Variants in GABRB2 observed in about 807,000 individuals in gnomAD.
GABRB2 encodes gamma-aminobutyric acid receptor subunit beta-2.
GABRB2 carries 16 observed loss-of-function variants against 54.7 expected under a neutral mutation model. That is an observed-to-expected ratio of 0.29 (90% confidence interval 0.20 to 0.44). The LOEUF is 0.44. GABRB2 is among the 20% of genes least tolerant of loss of function. GABRB2 has a pLI of 1.00. For synonymous variants in GABRB2, 244 were observed against 233.8 expected (o/e 1.04, Z -0.40); for missense variants, 355 against 644.0 (o/e 0.55, Z 4.86).
intron 4 of GABRB2, among the ~76,000 whole-genome samples, chr5:161,414,466 CAT>C (rs1187017976): frequency 6.6e-6 from 1 of 152,048 alleles, no homozygotes; most frequent in Non-Finnish European, 1.5e-5. Context: ...TACATAAAGA[CAT>C]GTGGAATACC....
At chr5:161,428,700 CTAAACCCTG>C (rs1757084007) in intron 4 of GABRB2, among the ~76,000 whole-genome samples, 2 of 152,138 alleles carry the variant, frequency 1.3e-5, no homozygotes, top group South Asian at 4.1e-4. Context: ...ATGGTGCTTG[CTAAACCCTG>C]TAGAAGGCAT....
chr5:161,539,986 G>A lies in GABRB2; in HGVS notation c.237+5241C>T, dbSNP rs1013017374. Among the ~76,000 whole-genome samples, 8 of 152,196 alleles carry A rather than the reference G, an allele frequency of 5.3e-5. No homozygotes were observed. The South Asian group carries it at 1.7e-3, about 32-fold the overall frequency. On this transcript the variant is annotated intron_variant, in intron 3 of 9. Transcript: ENST00000393959. Reference sequence around the variant, plus strand: ...TAGAATGTCTTGGCTCCATGTTAATGGCTGCTGACTGAGCAGGGTTGTGGT... The same window carrying A: ...TAGAATGTCTTGGCTCCATGTTAATAGCTGCTGACTGAGCAGGGTTGTGGT...
At chr5:161,354,812 A>T (rs1201050916) in intron 5 of GABRB2, among the ~76,000 whole-genome samples, 1 of 152,072 alleles carries the variant, frequency 6.6e-6, no homozygotes, top group South Asian at 2.1e-4. Context: ...TAATGCAAAA[A>T]AATTACTTTT....
intron 3 of GABRB2, among the ~76,000 whole-genome samples, chr5:161,465,503 T>C (rs1758253427): frequency 6.6e-6 from 1 of 152,134 alleles, no homozygotes; most frequent in African/African-American, 2.4e-5. Context: ...ATCTTCTATA[T>C]GTCTAAACAC....
chr5:161,439,649 A>T (rs972824339), intron 4 of GABRB2, among the ~76,000 whole-genome samples: 1 of 152,236 alleles, frequency 6.6e-6, no homozygotes, highest in Non-Finnish European at 1.5e-5. Flanking sequence ...CAAAAAGTTT[A>T]AAAGTAGGGG....
chr5:161,309,955 A>G (rs1179833593), intron 9 of GABRB2, among the ~76,000 whole-genome samples: 1 of 152,150 alleles, frequency 6.6e-6, no homozygotes. Context: ...AAAGTGGTAC[A>G]TATATACTCT....
chr5:161,517,802 T>C (rs2113421790), intron 3 of GABRB2, among the ~76,000 whole-genome samples: 1 of 151,372 alleles, frequency 6.6e-6, no homozygotes, highest in Admixed American at 6.6e-5. Context: ...ATTTCTGATT[T>C]TTTTTTTTTT....
intron 5 of GABRB2, among the ~76,000 whole-genome samples, chr5:161,343,753 T>G (rs1754239844): frequency 6.6e-6 from 1 of 152,206 alleles, no homozygotes; most frequent in Non-Finnish European, 1.5e-5. Context: ...CTTTATAAGG[T>G]CCGTCTCTAC....
chr5:161,512,464 G>A (rs1159597075), intron 3 of GABRB2, among the ~76,000 whole-genome samples: 5 of 151,988 alleles, frequency 3.3e-5, no homozygotes, highest in Admixed American at 3.3e-4. Context: ...TAAGCAATGG[G>A]GAAGGGACTC....
At chr5:161,538,912 C>T (rs1760728989) in intron 3 of GABRB2, among the ~76,000 whole-genome samples, 1 of 152,072 alleles carries the variant, frequency 6.6e-6, no homozygotes, top group African/African-American at 2.4e-5. Flanking sequence ...TCCATAAGGC[C>T]TAACACATGC....
At chr5:161,520,388 G>A (rs1382586083) in intron 3 of GABRB2, among the ~76,000 whole-genome samples, 1 of 152,050 alleles carries the variant, frequency 6.6e-6, no homozygotes, top group Non-Finnish European at 1.5e-5. Context: ...ATTTGTATTT[G>A]TATGCTTTAA....
At chr5:161,434,060 GA>G (rs1757247816) in intron 4 of GABRB2, among the ~76,000 whole-genome samples, 1 of 151,954 alleles carries the variant, frequency 6.6e-6, no homozygotes, top group Non-Finnish European at 1.5e-5. Context: ...TATTTTCAAA[GA>G]AAAAGCACCA....
chr5:161,472,246 A>C (rs1581014304), intron 3 of GABRB2, among the ~76,000 whole-genome samples: 1 of 151,756 alleles, frequency 6.6e-6, no homozygotes, highest in African/African-American at 2.4e-5. Flanking sequence ...TCAGTCAATA[A>C]TTTTCTAAGA....
chr5:161,343,721 G>A (rs1237702472), intron 5 of GABRB2, among the ~76,000 whole-genome samples: 1 of 152,066 alleles, frequency 6.6e-6, no homozygotes, highest in African/African-American at 2.4e-5. Flanking sequence ...AGAGCCCTAT[G>A]TACCAGGCAC....
At position 161,293,508 on chromosome 5, in the gene GABRB2, T is replaced by G. The variant is rs1354220137; in HGVS notation, c.*573A>C. On this transcript the variant is annotated 3_prime_UTR_variant, in exon 10 of 10. Transcript: ENST00000393959. ...CAAGCAAAGGGACTGGCCAAATCGG[T>G]TTCCTGAGTCTCTGTCTTGATTCCC... 6.6e-6 allele frequency: 1 copy of G among 152,394 alleles called. No individual in the cohort carries two copies. The highest frequency in any genetic ancestry group is 1.5e-5 in the Non-Finnish European group (1 of 68,186). 9.4% of individuals were successfully genotyped at this position (152,394 alleles called of 1,614,324 possible). A position where few individuals can be genotyped will look rare whatever the true frequency, so the allele number is the denominator to read the frequency against.
chr5:161,320,582 C>G (rs1277264548), intron 9 of GABRB2, among the ~76,000 whole-genome samples: 2 of 151,642 alleles, frequency 1.3e-5, no homozygotes, highest in Non-Finnish European at 3.0e-5. Context: ...ATACTTTTAT[C>G]TTAAATTCAT....
At chr5:161,534,870 A>G (rs1760583502) in intron 3 of GABRB2, among the ~76,000 whole-genome samples, 1 of 152,184 alleles carries the variant, frequency 6.6e-6, no homozygotes, top group Non-Finnish European at 1.5e-5. Context: ...CTCAGTAAGC[A>G]TAAAAATTCA....
chr5:161,527,410 T>C (rs1316492991), intron 3 of GABRB2, among the ~76,000 whole-genome samples: 1 of 151,506 alleles, frequency 6.6e-6, no homozygotes, highest in East Asian at 1.9e-4. Context: ...TCTGAATATT[T>C]ATTTTTTAAA....
chr5:161,515,437 A>G (rs1759910785), intron 3 of GABRB2, among the ~76,000 whole-genome samples: 1 of 152,128 alleles, frequency 6.6e-6, no homozygotes, highest in Admixed American at 6.6e-5. Context: ...AACTGTAGCT[A>G]TGAGAAACTC....
Sources: allele counts gnomAD v4.1 joint callset (sites outside exome capture counted in the v4.1 genomes callset), GRCh38; gene constraint gnomAD v4.1.1; transcripts MANE v1.5; gene names NCBI Gene and HGNC (gene_info 2026-07-23, HGNC 2026-07-21).